GRXCR1: variants seen among roughly 807,000 people sequenced by gnomAD.
The protein encoded by GRXCR1 is glutaredoxin and cysteine rich domain containing 1, also known as glutaredoxin domain-containing cysteine-rich protein 1.
Under a neutral mutation model 27.3 loss-of-function variants are expected in GRXCR1, and 27 were observed. The ratio of observed to expected loss-of-function variants is 0.99; its 90% CI spans 0.73 to 1.37. The LOEUF (loss-of-function observed/expected upper bound fraction) is 1.37. GRXCR1 is among the 40% of genes most tolerant of loss of function. The probability of loss-of-function intolerance (pLI) is 0.00; values close to 1 mark genes in which losing one functional copy is unlikely to be tolerated. For missense variants in GRXCR1, 379 were observed against 354.4 expected, an observed-to-expected ratio of 1.07 and a Z score of -0.56; for synonymous variants, 122 against 131.1, an observed-to-expected ratio of 0.93 and a Z score of 0.47.
chr4:42,966,183 A>C lies in GRXCR1; in HGVS notation c.627+3049A>C, dbSNP rs1032871623. Among the ~76,000 whole-genome samples the C allele has an allele frequency of 5.3e-5, 8 of 152,044 alleles. No homozygotes were observed. In the South Asian group the frequency reaches 1.7e-3, roughly 32 times the overall value. ...TGCATCAGAAATTTTTTTTTACACA[A>C]AACAAGATTGTGTTCAAGTAGTTAC... On this transcript the variant is annotated intron_variant, in intron 2 of 3. Coordinates refer to ENST00000399770, the MANE Select transcript of GRXCR1 (RefSeq NM_001080476.3).
chr4:42,917,340 T>G (rs1232325983), intron 1 of GRXCR1, among the ~76,000 whole-genome samples: 1 of 152,162 alleles, frequency 6.6e-6, no homozygotes, highest in African/African-American at 2.4e-5. Flanking sequence ...AATGAGATTG[T>G]GGCTTTCATT....
At chr4:43,005,821 G>T (rs928262252) in intron 2 of GRXCR1, among the ~76,000 whole-genome samples, 5 of 152,152 alleles carry the variant, frequency 3.3e-5, no homozygotes, top group Non-Finnish European at 7.3e-5. Context: ...ATACAGCATG[G>T]TCTTCATGAA....
rs189646385 is a variant in GRXCR1 at position 43,003,915 on chromosome 4, G to A, written c.628-16439G>A. 7.2e-5 allele frequency among the ~76,000 whole-genome samples: 11 copies of A among 152,362 alleles called. No individual in the cohort carries two copies. The East Asian group carries it at 2.1e-3, about 29-fold the overall frequency. On this transcript the variant is annotated intron_variant, in intron 2 of 3. Transcript: ENST00000399770. Reference sequence around the variant, plus strand: ...TGGGGGAAAATAAAAGCTGGCTGCAGAAATTTACGTAAGTAAAGAGGAGCT... The same window carrying A: ...TGGGGGAAAATAAAAGCTGGCTGCAAAAATTTACGTAAGTAAAGAGGAGCT...
chr4:42,977,516 G>A (rs1435881967), intron 2 of GRXCR1, among the ~76,000 whole-genome samples: 2 of 151,926 alleles, frequency 1.3e-5, no homozygotes, highest in Non-Finnish European at 2.9e-5. Context: ...GCAGGCATGA[G>A]GTGAACTCTT....
chr4:42,938,385 C>T (rs562395217), intron 1 of GRXCR1, among the ~76,000 whole-genome samples: 25 of 152,040 alleles, frequency 1.6e-4, no homozygotes, highest in South Asian at 4.1e-4. Context: ...AGTGCTACAA[C>T]GAACATGGGA....
intron 1 of GRXCR1, among the ~76,000 whole-genome samples, chr4:42,910,641 A>C (rs576789087): frequency 1.3e-5 from 2 of 152,300 alleles, no homozygotes; most frequent in South Asian, 2.1e-4. Context: ...GCTGGAATTC[A>C]GCATGAGGCC....
rs1430110696 is a variant in GRXCR1, at chr4:43,024,959, T to C, written c.693+4540T>C. Among the ~76,000 whole-genome samples the C allele has an allele frequency of 4.6e-5, 7 of 152,186 alleles. No homozygotes were observed. In the East Asian group the frequency reaches 1.3e-3, roughly 29 times the overall value. On this transcript the variant is annotated intron_variant, in intron 3 of 3. Coordinates refer to ENST00000399770, the MANE Select transcript of GRXCR1 (RefSeq NM_001080476.3). ...ATAAGTTGCTTCCTCTTTGATAGGA[T>C]ACTTAACGGACTTTCAAGCTCTATT...
At chr4:42,966,897 T>G (rs1349527428) in intron 2 of GRXCR1, among the ~76,000 whole-genome samples, 1 of 152,150 alleles carries the variant, frequency 6.6e-6, no homozygotes, top group Non-Finnish European at 1.5e-5. Context: ...GTTTTTTGTT[T>G]TCTTATTGTT....
At chr4:42,935,511 C>T (rs544499158) in intron 1 of GRXCR1, among the ~76,000 whole-genome samples, 7 of 151,790 alleles carry the variant, frequency 4.6e-5, no homozygotes, top group Non-Finnish European at 1.0e-4. Context: ...AGATGGGTAG[C>T]ATTTGGAGAG....
chr4:42,904,763 T>C (rs917022916), intron 1 of GRXCR1, among the ~76,000 whole-genome samples: 22 of 152,156 alleles, frequency 1.4e-4, no homozygotes, highest in Non-Finnish European at 3.2e-4. Flanking sequence ...ATTCTGCTAG[T>C]CATTGAGGGT....
intron 2 of GRXCR1, among the ~76,000 whole-genome samples, chr4:42,990,696 AT>A (rs1245157928): frequency 4.6e-5 from 7 of 151,962 alleles, no homozygotes; most frequent in Non-Finnish European, 8.8e-5. Context: ...CTTTTATTGC[AT>A]TGTCATTAGA....
At chr4:42,990,173 C>CTTTTTT (rs745784596) in intron 2 of GRXCR1, among the ~76,000 whole-genome samples, 5 of 46,230 alleles carry the variant, frequency 1.1e-4, no homozygotes, top group African/African-American at 3.4e-4. Context: ...ATTATTAGTT[C>CTTTTTT]TTTTTTTTTT....
intron 2 of GRXCR1, among the ~76,000 whole-genome samples, chr4:42,982,144 C>T (rs143593066): frequency 2.4e-3 from 369 of 151,414 alleles, no homozygotes; most frequent in African/African-American, 7.4e-3. Flanking sequence ...CATGCTGGTG[C>T]GCTGCACCCA....
chr4:43,014,524 G>C (rs962567209), intron 2 of GRXCR1, among the ~76,000 whole-genome samples: 2 of 152,170 alleles, frequency 1.3e-5, no homozygotes, highest in Non-Finnish European at 2.9e-5. Flanking sequence ...CAGTACTAAA[G>C]AGTCTTATGC....
chr4:42,912,438 AC>A (rs1746743739), intron 1 of GRXCR1, among the ~76,000 whole-genome samples: 2 of 152,106 alleles, frequency 1.3e-5, no homozygotes, highest in Non-Finnish European at 2.9e-5. Flanking sequence ...GTGAACTTGA[AC>A]CCTTTATGGA....
intron 1 of GRXCR1, among the ~76,000 whole-genome samples, chr4:42,954,417 ATCT>A (rs1747952642): frequency 6.6e-6 from 1 of 152,164 alleles, no homozygotes; most frequent in South Asian, 2.1e-4. Context: ...GTTATATAAC[ATCT>A]TCTTAAGGAA....
intron 3 of GRXCR1, among the ~76,000 whole-genome samples, chr4:43,028,111 CAAA>C (rs1381472720): frequency 8.3e-6 from 1 of 120,746 alleles, no homozygotes; most frequent in Non-Finnish European, 1.8e-5. Flanking sequence ...GACTCCGTCT[CAAA>C]AAAAAAAAAA....
intron 2 of GRXCR1, among the ~76,000 whole-genome samples, chr4:42,985,176 A>T (rs1191632804): frequency 6.6e-6 from 1 of 152,066 alleles, no homozygotes; most frequent in Non-Finnish European, 1.5e-5. Context: ...AATTGTTCAA[A>T]TTGATATTTC....
chr4:43,018,436 C>T (rs74853921), intron 2 of GRXCR1, among the ~76,000 whole-genome samples: 6,168 of 152,192 alleles, frequency 0.041, 374 homozygotes, highest in African/African-American at 0.13. Flanking sequence ...CTTTGCTTAA[C>T]GTAAGCAAAG....
Sources: allele counts gnomAD v4.1 joint callset (sites outside exome capture counted in the v4.1 genomes callset), GRCh38; gene constraint gnomAD v4.1.1; transcripts MANE v1.5; gene names NCBI Gene and HGNC (gene_info 2026-07-23, HGNC 2026-07-21).